Variants in DNAH6 observed in about 807,000 individuals in gnomAD.
The protein encoded by DNAH6 is dynein axonemal heavy chain 6.
Under a neutral mutation model 491.4 loss-of-function variants are expected in DNAH6, and 340 were observed. The observed-to-expected ratio is 0.69, with a 90% confidence interval of 0.63 to 0.76. The LOEUF (loss-of-function observed/expected upper bound fraction) is 0.76, where lower values mean the gene tolerates loss of function less well. Ranked by LOEUF, DNAH6 falls within the 30% of genes least tolerant of loss-of-function variation. The pLI is 0.00. For synonymous variants in DNAH6, 1,603 were observed against 1,686.1 expected (o/e 0.95, Z 1.21); for missense variants, 4,443 against 4,972.2 (o/e 0.89, Z 3.20).
chr2:84,549,976 T>A lies in DNAH6; in HGVS notation c.1404T>A (p.Thr468=). The A allele has an allele frequency of 6.2e-7, 1 of 1,613,994 alleles. No homozygotes were observed. ...NAVNSLLNHL[T]DKLKRTPSAD... ...TTAATTCGCTTTTGAACCATCTCAC[T>A]GACAAGCTAAAACGAACACCTTCAG... is the stretch of plus-strand genomic sequence containing the variant. The change falls in exon 9 of 77, where the codon ACT becomes ACA. Residue 468 remains threonine, a synonymous_variant. Transcript: ENST00000389394.
chr2:84,645,141 C>T (rs368421061), intron 33 of DNAH6, among the ~76,000 whole-genome samples: 6 of 152,052 alleles, frequency 3.9e-5, no homozygotes, highest in African/African-American at 1.4e-4. Context: ...CATTCTAGGC[C>T]GGGGGTGGTG....
intron 31 of DNAH6, among the ~76,000 whole-genome samples, chr2:84,638,937 C>T (rs1187913075): frequency 2.0e-5 from 3 of 151,966 alleles, no homozygotes; most frequent in Non-Finnish European, 4.4e-5. Context: ...TTTAAATGAC[C>T]AGATCTCAGA....
intron 63 of DNAH6, chr2:84,750,631 G>A (rs112245890): frequency 5.9e-5 from 9 of 152,168 alleles, no homozygotes; most frequent in African/African-American, 1.7e-4. Context: ...AATAAGATTG[G>A]CCTTGTACTA....
chr2:84,651,612 T>C (rs1438576239), intron 33 of DNAH6, among the ~76,000 whole-genome samples: 1 of 152,012 alleles, frequency 6.6e-6, no homozygotes, highest in East Asian at 1.9e-4. Flanking sequence ...TTTTTTTAAA[T>C]CTGTGCCCAT....
chr2:84,757,168 G>C (rs1030612620), intron 63 of DNAH6, among the ~76,000 whole-genome samples: 1 of 152,170 alleles, frequency 6.6e-6, no homozygotes, highest in Non-Finnish European at 1.5e-5. Context: ...GAATAGGACA[G>C]AAAAATATCC....
intron 61 of DNAH6, 133 bp from the exon 62 acceptor site, chr2:84,733,301 CTATTTCACCA>C: frequency 1.5e-6 from 1 of 663,662 alleles, no homozygotes; most frequent in Non-Finnish European, 2.5e-6. Context: ...AACACCATTT[CTATTTCACCA>C]TATTGTACTA....
At position 84,573,569 on chromosome 2, in the gene DNAH6, C is replaced by G. The variant is rs765560896; in HGVS notation, c.1906C>G (p.Leu636Val). The G allele has an allele frequency of 3.0e-5, 47 of 1,576,616 alleles. No homozygotes were observed. Among genetic ancestry groups the G allele is most frequent in the Non-Finnish European group, 3.8e-5 (44 of 1,169,804 alleles). The change falls in exon 12 of 77, where the codon CTT (leucine) becomes GTT (valine). Residue 636 changes from leucine to valine, a missense_variant. Transcript: ENST00000389394. ...KENESLDLQA[L>V]KLQEPDINFF... ...AAATGAAAGTCTTGATTTACAAGCT[C>G]TTAAACTTCAGGAACCTGGTAACTT...
At chr2:84,574,829 C>G (rs1682265678) in intron 12 of DNAH6, among the ~76,000 whole-genome samples, 1 of 152,224 alleles carries the variant, frequency 6.6e-6, no homozygotes, top group South Asian at 2.1e-4. Context: ...CTGAGCTCTT[C>G]TACTCATATC....
intron 32 of DNAH6, 43 bp downstream of exon 32, chr2:84,640,621 G>A: frequency 6.6e-7 from 1 of 1,515,210 alleles, no homozygotes; most frequent in Non-Finnish European, 8.9e-7. Flanking sequence ...CAAACCATGT[G>A]ATCAAATGCA....
chr2:84,578,839 C>T (rs1016623191), intron 13 of DNAH6, among the ~76,000 whole-genome samples: 1 of 152,114 alleles, frequency 6.6e-6, no homozygotes, highest in African/African-American at 2.4e-5. Flanking sequence ...GGTGGTTTCC[C>T]CTATGCTGTT....
intron 14 of DNAH6, 49 bp downstream of exon 14, chr2:84,579,728 A>G: frequency 6.8e-7 from 1 of 1,469,654 alleles, no homozygotes; most frequent in Non-Finnish European, 9.1e-7. Context: ...TTATAGTAGG[A>G]AGGAAGACAT....
intron 26 of DNAH6, 57 bp downstream of exon 26, chr2:84,621,608 T>C (rs1687403323): frequency 1.9e-6 from 2 of 1,056,288 alleles, no homozygotes; most frequent in Non-Finnish European, 2.7e-6. Context: ...GGTGGGTTTT[T>C]TTTTAAAGCA....
chr2:84,752,242 A>C (rs1461274512), intron 63 of DNAH6, among the ~76,000 whole-genome samples: 2 of 152,216 alleles, frequency 1.3e-5, no homozygotes, highest in African/African-American at 2.4e-5. Flanking sequence ...CTTATTGTTA[A>C]TTCTGCCATG....
chr2:84,811,005 A>G (rs1457592869), intron 72 of DNAH6, among the ~76,000 whole-genome samples: 1 of 151,900 alleles, frequency 6.6e-6, no homozygotes, highest in African/African-American at 2.4e-5. Context: ...ACTTCTTCCT[A>G]TTTCCAGGTC....
chr2:84,797,753 T>C, intron 70 of DNAH6, 95 bp downstream of exon 70: 1 of 1,048,230 alleles, frequency 9.5e-7, no homozygotes, highest in Non-Finnish European at 1.4e-6. Flanking sequence ...AATTATAATC[T>C]TCCTAAATAA....
At chr2:84,610,695 T>TATCTATGAAATAATACAGGCAGTA (rs1686238053) in intron 21 of DNAH6, among the ~76,000 whole-genome samples, 2 of 152,198 alleles carry the variant, frequency 1.3e-5, no homozygotes, top group Admixed American at 6.6e-5. Flanking sequence ...TATGATAAGT[T>TATCTATGAAATAATACAGGCAGTA]ATCTATGAAA....
intron 42 of DNAH6, among the ~76,000 whole-genome samples, chr2:84,681,814 C>A (rs1296363452): frequency 1.3e-5 from 2 of 152,030 alleles, no homozygotes; most frequent in East Asian, 1.9e-4. Flanking sequence ...CAACTTGCAT[C>A]TTCCTTCCCT....
chr2:84,679,977 T>C (rs906047687), intron 41 of DNAH6, among the ~76,000 whole-genome samples: 1 of 152,188 alleles, frequency 6.6e-6, no homozygotes, highest in African/African-American at 2.4e-5. Flanking sequence ...TAAATAAAAT[T>C]ATCAGCTTGT....
In DNAH6 at chr2:84,796,422, T is replaced by A. The variant is rs1278070394; in HGVS notation, c.11356T>A (p.Ser3786Thr). 1.3e-6 allele frequency: 2 copies of A among 1,515,460 alleles called. No individual in the cohort carries two copies. The highest frequency in any genetic ancestry group is 1.8e-6 in the Non-Finnish European group (2 of 1,128,874). The allele number at this position is 1,515,460 out of a possible 1,614,324, so 93.9% of individuals were successfully genotyped here. A position where few individuals can be genotyped will look rare whatever the true frequency, so the allele number is the denominator to read the frequency against. The change falls in exon 69 of 77, where the codon TCA (serine) becomes ACA (threonine). Residue 3786 changes from serine to threonine, a missense_variant. Coordinates refer to ENST00000389394, the MANE Select transcript of DNAH6 (RefSeq NM_001370.2). The stretch of plus-strand genomic sequence containing the variant: ...AGAAGAAGATTATAAATACTCTGAA[T>A]CAGGTGAATGACTTTTCAATATTAC... ...TLEEDYKYSE[S>T]GIYFAPMADS...
Sources: allele counts gnomAD v4.1 joint callset (sites outside exome capture counted in the v4.1 genomes callset), GRCh38; gene constraint gnomAD v4.1.1; transcripts MANE v1.5; gene names NCBI Gene and HGNC (gene_info 2026-07-23, HGNC 2026-07-21).